The following JAKMIP2 variants were observed in gnomAD, a reference collection of about 807,000 sequenced individuals.
The protein encoded by JAKMIP2 is janus kinase and microtubule interacting protein 2.
JAKMIP2 carries 25 observed loss-of-function variants against 115.0 expected under a neutral mutation model. The observed-to-expected ratio is 0.22, with a 90% CI of 0.16 to 0.30. The LOEUF (loss-of-function observed/expected upper bound fraction) is 0.30. JAKMIP2 is among the 10% of genes least tolerant of loss of function. JAKMIP2 has a pLI of 1.00. For synonymous variants in JAKMIP2, 334 were observed against 343.6 expected, an observed-to-expected ratio of 0.97 and a Z score of 0.31; for missense variants, 642 against 957.6, an observed-to-expected ratio of 0.67 and a Z score of 4.35.
chr5:147,671,641 G>C (rs141347032), intron 2 of JAKMIP2, 37 bp downstream of exon 2: 21 of 1,365,144 alleles, frequency 1.5e-5, no homozygotes, highest in Non-Finnish European at 1.9e-5. Context: ...AGCCAGAGCT[G>C]CTCTTAATGC....
rs1489730034 is a variant in JAKMIP2 at position 147,718,579 on chromosome 5, A to G, written c.-148-46625T>C. On this transcript the variant is annotated intron_variant, in intron 1 of 21. Coordinates refer to ENST00000616793, the MANE Select transcript of JAKMIP2 (RefSeq NM_001270941.2). ...CTTCTTCCTGGTTTAGTCTTGGGAG[A>G]GTGTATGTGTCGAGGAATTTATCCA... is the stretch of plus-strand genomic sequence containing the variant. 1.3e-4 allele frequency among the ~76,000 whole-genome samples: 20 copies of G among 150,576 alleles called. No homozygotes were observed. The East Asian group carries it at 3.7e-3, about 28-fold the overall frequency.
intron 1 of JAKMIP2, among the ~76,000 whole-genome samples, chr5:147,753,584 G>A (rs1754637842): frequency 6.6e-6 from 1 of 152,188 alleles, no homozygotes; most frequent in Admixed American, 6.5e-5. Context: ...TGAAAATCCA[G>A]TTTATTTGAT....
chr5:147,599,642 C>T (rs557341327), intron 21 of JAKMIP2, among the ~76,000 whole-genome samples: 1 of 152,240 alleles, frequency 6.6e-6, no homozygotes, highest in South Asian at 2.1e-4. Context: ...ATTTCAAAAG[C>T]CAGTAGCTAA....
In JAKMIP2 at chr5:147,640,685, G is replaced by C. The variant is rs777448187; in HGVS notation, c.1401+19C>G. 1.2e-6 allele frequency: 2 copies of C among 1,612,648 alleles called. No homozygotes were observed. Among genetic ancestry groups the C allele is most frequent in the South Asian group, 1.1e-5 (1 of 90,884 alleles). ...TTGGTGACAATATCACCCTAGGCTA[G>C]AGAAGTAGAAAAGCTTACTTCATCC... On this transcript the variant is annotated intron_variant, in intron 9 of 21. Transcript: ENST00000616793.
intron 20 of JAKMIP2, among the ~76,000 whole-genome samples, chr5:147,609,998 G>A (rs757148210): frequency 1.2e-4 from 18 of 152,040 alleles, no homozygotes; most frequent in African/African-American, 3.9e-4. Flanking sequence ...CATGCTTCAC[G>A]AAGTTCTTGT....
At chr5:147,701,452 A>T (rs368999310) in intron 1 of JAKMIP2, among the ~76,000 whole-genome samples, 1 of 152,182 alleles carries the variant, frequency 6.6e-6, no homozygotes, top group Non-Finnish European at 1.5e-5. Context: ...ATACGTTGAA[A>T]TCTAACCCCT....
chr5:147,663,742 T>G (rs73270112), intron 2 of JAKMIP2, among the ~76,000 whole-genome samples: 2,320 of 152,282 alleles, frequency 0.015, 69 homozygotes, highest in African/African-American at 0.053. Context: ...ATTATTCCCA[T>G]GATGGTTATT....
intron 1 of JAKMIP2, among the ~76,000 whole-genome samples, chr5:147,743,167 T>C (rs7701216): frequency 0.065 from 9,925 of 152,308 alleles, 641 homozygotes; most frequent in African/African-American, 0.16. Context: ...CTCATGTGGA[T>C]CCTTTTTTCT....
intron 9 of JAKMIP2, among the ~76,000 whole-genome samples, chr5:147,640,218 C>T (rs1757817704): frequency 6.6e-6 from 1 of 152,108 alleles, no homozygotes; most frequent in Admixed American, 6.5e-5. Context: ...CAGGACATAA[C>T]ATAATCAGCA....
At chr5:147,721,883 A>G (rs1753321340) in intron 1 of JAKMIP2, among the ~76,000 whole-genome samples, 1 of 151,934 alleles carries the variant, frequency 6.6e-6, no homozygotes, top group Non-Finnish European at 1.5e-5. Flanking sequence ...AGGCCCTTAA[A>G]ATTATATTTC....
chr5:147,640,896 A>C, intron 8 of JAKMIP2, 73 bp from the exon 9 acceptor site: 4 of 1,363,268 alleles, frequency 2.9e-6, no homozygotes. Context: ...AATACTGTCA[A>C]CTGGCATACG....
chr5:147,748,017 G>A (rs1754409580), intron 1 of JAKMIP2, among the ~76,000 whole-genome samples: 1 of 152,108 alleles, frequency 6.6e-6, no homozygotes. Context: ...CAATAATTGG[G>A]AACATTGACT....
chr5:147,660,382 C>G, intron 3 of JAKMIP2: 1 of 428,190 alleles, frequency 2.3e-6, no homozygotes, highest in Non-Finnish European at 4.7e-6. Flanking sequence ...TTAAATGACT[C>G]CTGTATACTT....
intron 1 of JAKMIP2, among the ~76,000 whole-genome samples, chr5:147,753,610 C>T (rs906508289): frequency 6.6e-6 from 1 of 152,168 alleles, no homozygotes; most frequent in African/African-American, 2.4e-5. Context: ...TGAAGTTTCT[C>T]CATTAAACAT....
In JAKMIP2 at chr5:147,750,299, C is replaced by T. The variant is rs1318599939; in HGVS notation, c.-149+32157G>A. On this transcript the variant is annotated intron_variant, in intron 1 of 21. Coordinates refer to ENST00000616793, the MANE Select transcript of JAKMIP2 (RefSeq NM_001270941.2). ...GAGGCCATTTTGTGGTAAACAGCTG[C>T]GTTCTTAACCCAAGGGACACAATCC... 4.6e-5 allele frequency among the ~76,000 whole-genome samples: 7 copies of T among 152,062 alleles called. No individual in the cohort carries two copies. The East Asian group carries it at 1.4e-3, about 29-fold the overall frequency.
At chr5:147,714,790 A>C (rs1395809684) in intron 1 of JAKMIP2, among the ~76,000 whole-genome samples, 1 of 152,208 alleles carries the variant, frequency 6.6e-6, no homozygotes, top group African/African-American at 2.4e-5. Flanking sequence ...GGTTGAAAGA[A>C]GGTAACTACC....
At chr5:147,672,569 T>C (rs1393669379) in intron 1 of JAKMIP2, among the ~76,000 whole-genome samples, 2 of 152,190 alleles carry the variant, frequency 1.3e-5, no homozygotes, top group Non-Finnish European at 2.9e-5. Context: ...AATTTATCTA[T>C]CTATCTATCT....
intron 2 of JAKMIP2, among the ~76,000 whole-genome samples, chr5:147,666,310 AATAT>A (rs1169121905): frequency 1.3e-5 from 2 of 152,182 alleles, no homozygotes; most frequent in Non-Finnish European, 2.9e-5. Flanking sequence ...TCTTAAAATG[AATAT>A]ACAAAATTAT....
intron 21 of JAKMIP2, among the ~76,000 whole-genome samples, chr5:147,598,394 C>T (rs78753878): frequency 1.3e-5 from 2 of 151,910 alleles, no homozygotes; most frequent in Admixed American, 6.6e-5. Context: ...ACCAGGTGAG[C>T]GAATTCTCTT....
Sources: gnomAD v4.1 joint callset for allele counts (sites outside exome capture counted in the v4.1 genomes callset) on GRCh38, gnomAD v4.1.1 for gene constraint, MANE v1.5 for transcripts, NCBI Gene and HGNC (gene_info 2026-07-23, HGNC 2026-07-21) for gene names.